Variants in CNTN5 observed in about 807,000 individuals in gnomAD.
CNTN5 encodes the protein contactin-5.
CNTN5 carries 77 observed loss-of-function variants against 129.1 expected under a neutral mutation model. That is an observed-to-expected ratio of 0.60 (90% confidence interval 0.50 to 0.72). The LOEUF (loss-of-function observed/expected upper bound fraction) is 0.72, where lower values mean the gene tolerates loss of function less well. CNTN5 is among the 30% of genes least tolerant of loss of function. CNTN5 has a pLI of 0.00. For missense variants in CNTN5, 1,478 were observed against 1,328.8 expected, an observed-to-expected ratio of 1.11 and a Z score of -1.75; for synonymous variants, 509 against 465.6, an observed-to-expected ratio of 1.09 and a Z score of -1.20.
At position 99,488,652 on chromosome 11, in the gene CNTN5, T is replaced by C. The variant is rs1945916339; in HGVS notation, c.-70-67493T>C. The stretch of plus-strand genomic sequence containing the variant: ...TGTCTGCATCCAGAACTAGTTATAG[T>C]GTACCAATTTAATTACATAGAATTG... On this transcript the variant is annotated intron_variant, in intron 2 of 24. Transcript: ENST00000524871. Among the ~76,000 whole-genome samples the C allele has an allele frequency of 1.3e-5, 2 of 152,188 alleles. 1 individual carries two copies. The highest frequency in any genetic ancestry group is 4.1e-4 in the South Asian group (2 of 4,834).
chr11:99,843,646 T>G (rs1044098052), intron 4 of CNTN5, among the ~76,000 whole-genome samples: 1 of 152,180 alleles, frequency 6.6e-6, no homozygotes, highest in Admixed American at 6.5e-5. Flanking sequence ...CATATAACAA[T>G]GTCTGGATAC....
At chr11:100,157,158 TTTTG>T (rs1340411006) in intron 13 of CNTN5, among the ~76,000 whole-genome samples, 1 of 151,944 alleles carries the variant, frequency 6.6e-6, no homozygotes, top group East Asian at 1.9e-4. Context: ...TGAAGCAGTA[TTTTG>T]TTTATTAAAC....
At chr11:99,071,148 A>C (rs1865325021) in intron 1 of CNTN5, among the ~76,000 whole-genome samples, 1 of 152,142 alleles carries the variant, frequency 6.6e-6, no homozygotes, top group Non-Finnish European at 1.5e-5. Flanking sequence ...GCCTATAACT[A>C]CTGCATTTAT....
intron 24 of CNTN5, among the ~76,000 whole-genome samples, chr11:100,354,076 AT>A (rs1591538109): frequency 1.3e-5 from 2 of 151,606 alleles, no homozygotes; most frequent in East Asian, 3.9e-4. Context: ...TCCTACCTCA[AT>A]TACTCTAAGC....
chr11:99,958,852 A>G (rs2136178606), intron 8 of CNTN5, among the ~76,000 whole-genome samples: 1 of 152,282 alleles, frequency 6.6e-6, no homozygotes, highest in East Asian at 1.9e-4. Context: ...ATAATACTTT[A>G]TATTTGAATA....
intron 1 of CNTN5, among the ~76,000 whole-genome samples, chr11:99,083,278 T>C (rs1275228152): frequency 1.3e-5 from 2 of 152,148 alleles, no homozygotes; most frequent in Non-Finnish European, 2.9e-5. Flanking sequence ...TTAAATTCTT[T>C]CTCACTGGTA....
chr11:99,350,902 T>G (rs2136081608), intron 2 of CNTN5, among the ~76,000 whole-genome samples: 1 of 152,180 alleles, frequency 6.6e-6, no homozygotes, highest in African/African-American at 2.4e-5. Flanking sequence ...TTTACTAGCA[T>G]TTTACTTTGA....
At chr11:99,411,526 A>T (rs1357375378) in intron 2 of CNTN5, among the ~76,000 whole-genome samples, 2 of 151,272 alleles carry the variant, frequency 1.3e-5, no homozygotes, top group Non-Finnish European at 3.0e-5. Context: ...TCTCAAAAAT[A>T]AATAAATAAA....
chr11:100,030,215 GAA>G (rs60259752), intron 9 of CNTN5, among the ~76,000 whole-genome samples: 14 of 150,468 alleles, frequency 9.3e-5, no homozygotes, highest in East Asian at 5.9e-4. Context: ...TCTCTAAAAA[GAA>G]AAAAAAAAAT....
chr11:99,790,225 T>C (rs1945690696), intron 3 of CNTN5, among the ~76,000 whole-genome samples: 1 of 152,080 alleles, frequency 6.6e-6, no homozygotes, highest in Non-Finnish European at 1.5e-5. Context: ...GCAGGTTTGT[T>C]GTAGAAGTAA....
At chr11:99,726,925 G>GA (rs1387768716) in intron 3 of CNTN5, among the ~76,000 whole-genome samples, 6 of 151,970 alleles carry the variant, frequency 3.9e-5, no homozygotes, top group African/African-American at 1.4e-4. Context: ...ACACCGACTT[G>GA]AAAAAAATTT....
At chr11:99,250,643 A>G (rs1278847550) in intron 1 of CNTN5, among the ~76,000 whole-genome samples, 1 of 151,706 alleles carries the variant, frequency 6.6e-6, no homozygotes, top group Admixed American at 6.6e-5. Flanking sequence ...AGGGATTCAC[A>G]TTTTTCTTGT....
At chr11:99,861,673 G>C (rs932214354) in intron 6 of CNTN5, among the ~76,000 whole-genome samples, 1 of 152,106 alleles carries the variant, frequency 6.6e-6, no homozygotes, top group Non-Finnish European at 1.5e-5. Context: ...TGATTAAGGG[G>C]AACATCAAGA....
At chr11:100,350,622 A>T (rs1039807450) in intron 23 of CNTN5, 80 bp from the exon 24 acceptor site, 146 of 1,046,908 alleles carry the variant, frequency 1.4e-4, no homozygotes, top group Non-Finnish European at 1.9e-4. Context: ...TGCTTATCTC[A>T]GAATGTGACA....
At chr11:99,968,656 C>CTCTTTTTTTT (rs1951161575) in intron 8 of CNTN5, among the ~76,000 whole-genome samples, 1 of 73,908 alleles carries the variant, frequency 1.4e-5, no homozygotes, top group African/African-American at 4.8e-5. Flanking sequence ...GCTTTGGGTA[C>CTCTTTTTTTT]TTTTTTTTTT....
At chr11:99,067,951 G>A (rs574000385) in intron 1 of CNTN5, among the ~76,000 whole-genome samples, 54 of 152,218 alleles carry the variant, frequency 3.5e-4, no homozygotes, top group Non-Finnish European at 6.6e-4. Context: ...TGCTGTTCTC[G>A]TGATAGTGAG....
At chr11:100,231,826 G>A (rs1011250128) in intron 16 of CNTN5, among the ~76,000 whole-genome samples, 2 of 152,120 alleles carry the variant, frequency 1.3e-5, no homozygotes, top group African/African-American at 4.8e-5. Context: ...TTTGAGCATT[G>A]TTCACATTTT....
intron 13 of CNTN5, among the ~76,000 whole-genome samples, chr11:100,148,182 C>T (rs1946920271): frequency 6.6e-6 from 1 of 152,120 alleles, no homozygotes. Flanking sequence ...AAACTCTGAG[C>T]ACTCTATCTC....
chr11:99,521,107 C>G (rs1469999404), intron 2 of CNTN5, among the ~76,000 whole-genome samples: 2 of 152,192 alleles, frequency 1.3e-5, no homozygotes, highest in African/African-American at 4.8e-5. Flanking sequence ...AAGCTTTCCA[C>G]TATGGGATGC....
Sources: allele counts gnomAD v4.1 joint callset (sites outside exome capture counted in the v4.1 genomes callset), GRCh38; gene constraint gnomAD v4.1.1; transcripts MANE v1.5; gene names NCBI Gene and HGNC (gene_info 2026-07-23, HGNC 2026-07-21).